ROR2: variants seen among roughly 807,000 people sequenced by gnomAD.
The protein encoded by ROR2 is tyrosine-protein kinase transmembrane receptor ROR2.
ROR2 carries 33 observed loss-of-function variants against 74.9 expected under a neutral mutation model. The ratio of observed to expected loss-of-function variants is 0.44; its 90% CI spans 0.33 to 0.59. The LOEUF (loss-of-function observed/expected upper bound fraction) is 0.59. Among genes scored for constraint, ROR2 ranks in the 20% least tolerant of loss-of-function variants. The pLI is 0.02. For synonymous variants in ROR2, 586 were observed against 558.7 expected (o/e 1.05, Z -0.69); for missense variants, 1,216 against 1,313.8 (o/e 0.93, Z 1.15).
At chr9:91,875,203 G>A (rs1434625838) in intron 1 of ROR2, among the ~76,000 whole-genome samples, 1 of 152,208 alleles carries the variant, frequency 6.6e-6, no homozygotes, top group Non-Finnish European at 1.5e-5. Flanking sequence ...TAAATGAAAT[G>A]CCTAGAGATA....
At chr9:91,826,100 T>C (rs1828280942) in intron 1 of ROR2, among the ~76,000 whole-genome samples, 1 of 152,138 alleles carries the variant, frequency 6.6e-6, no homozygotes, top group African/African-American at 2.4e-5. Flanking sequence ...CAGCCCAGGC[T>C]CCCTGGGTTC....
At chr9:91,807,019 A>C (rs1587737502) in intron 1 of ROR2, among the ~76,000 whole-genome samples, 1 of 152,280 alleles carries the variant, frequency 6.6e-6, no homozygotes, top group Non-Finnish European at 1.5e-5. Context: ...TCACCTGCCC[A>C]AAGCAGGACT....
intron 1 of ROR2, among the ~76,000 whole-genome samples, chr9:91,825,726 G>A (rs1364818911): frequency 6.6e-6 from 1 of 152,072 alleles, no homozygotes; most frequent in Non-Finnish European, 1.5e-5. Flanking sequence ...GAAGGTGAGT[G>A]AACTATCACT....
intron 1 of ROR2, among the ~76,000 whole-genome samples, chr9:91,940,701 C>A (rs1405001824): frequency 1.9e-5 from 2 of 102,734 alleles, no homozygotes; most frequent in Non-Finnish European, 3.5e-5. Context: ...TCCAAGTGAT[C>A]CTCCTGTCTC....
chr9:91,788,487 T>C (rs182708184), intron 1 of ROR2, among the ~76,000 whole-genome samples: 167 of 151,746 alleles, frequency 1.1e-3, no homozygotes, highest in Non-Finnish European at 1.6e-3. Flanking sequence ...TCAATAATGT[T>C]AAAAGCTGGC....
At chr9:91,790,514 A>G (rs1034003253) in intron 1 of ROR2, among the ~76,000 whole-genome samples, 21 of 114,606 alleles carry the variant, frequency 1.8e-4, no homozygotes, top group Non-Finnish European at 3.7e-4. Flanking sequence ...GTCTCAATTA[A>G]AAAAAAAAAA....
At chr9:91,756,762 T>C (rs1026771237) in intron 3 of ROR2, among the ~76,000 whole-genome samples, 1 of 114,736 alleles carries the variant, frequency 8.7e-6, no homozygotes, top group African/African-American at 4.2e-5. Flanking sequence ...TTTTTTTTTT[T>C]TTTTTGAGAC....
Position 91,838,242 on chromosome 9 carries a change from T to C in ROR2, c.98-62424A>G, listed in dbSNP as rs564069125. Among the ~76,000 whole-genome samples, 5 of 152,282 alleles carry C rather than the reference T, an allele frequency of 3.3e-5. No homozygotes were observed. In the South Asian group the frequency reaches 6.2e-4, roughly 19 times the overall value. On this transcript the variant is annotated intron_variant, in intron 1 of 8. Coordinates refer to ENST00000375708, the MANE Select transcript of ROR2 (RefSeq NM_004560.4). ...ATGCTCAACTTAGCCTATTAGCTTATAAAAGCAAATTAAACCAGGCACCAC... is the reference window on the plus strand; with the variant it reads ...ATGCTCAACTTAGCCTATTAGCTTACAAAAGCAAATTAAACCAGGCACCAC...
At chr9:91,852,624 A>AACACAAAC (rs1829133768) in intron 1 of ROR2, among the ~76,000 whole-genome samples, 6 of 123,830 alleles carry the variant, frequency 4.8e-5, no homozygotes, top group Admixed American at 4.8e-4. Flanking sequence ...AAAACACACA[A>AACACAAAC]ACACACACAC....
At chr9:91,821,092 C>A (rs1828125217) in intron 1 of ROR2, among the ~76,000 whole-genome samples, 1 of 140,710 alleles carries the variant, frequency 7.1e-6, no homozygotes. Flanking sequence ...CAGAATGAGA[C>A]TTCGTCTCAA....
intron 2 of ROR2, among the ~76,000 whole-genome samples, chr9:91,762,233 C>T (rs1441121022): frequency 3.9e-5 from 6 of 152,174 alleles, no homozygotes; most frequent in Non-Finnish European, 5.9e-5. Flanking sequence ...TGGGCCTACC[C>T]GGATAAGAGA....
chr9:91,872,481 C>A (rs1212791817), intron 1 of ROR2, among the ~76,000 whole-genome samples: 2 of 152,216 alleles, frequency 1.3e-5, no homozygotes, highest in African/African-American at 4.8e-5. Context: ...TTACACCACA[C>A]AGCCAGAATT....
At chr9:91,729,366 G>A (rs1327792117) in intron 7 of ROR2, among the ~76,000 whole-genome samples, 2 of 152,240 alleles carry the variant, frequency 1.3e-5, no homozygotes, top group Non-Finnish European at 2.9e-5. Flanking sequence ...GTGCTCCAGA[G>A]TGCCTAGACC....
At chr9:91,835,680 T>A (rs1375336973) in intron 1 of ROR2, among the ~76,000 whole-genome samples, 1 of 151,928 alleles carries the variant, frequency 6.6e-6, no homozygotes, top group Admixed American at 6.6e-5. Flanking sequence ...ATGAACTAAA[T>A]CTCTCCAGGA....
intron 1 of ROR2, among the ~76,000 whole-genome samples, chr9:91,823,568 G>A (rs1030775882): frequency 6.6e-6 from 1 of 151,988 alleles, no homozygotes; most frequent in Non-Finnish European, 1.5e-5. Flanking sequence ...TTACAGGCAT[G>A]AGCCACCGTG....
intron 1 of ROR2, among the ~76,000 whole-genome samples, chr9:91,879,678 T>G (rs1001697004): frequency 1.3e-5 from 2 of 152,020 alleles, no homozygotes; most frequent in Admixed American, 6.5e-5. Flanking sequence ...CTTCTATATA[T>G]TAAGTAATGC....
intron 1 of ROR2, among the ~76,000 whole-genome samples, chr9:91,813,377 A>C (rs1190432235): frequency 6.6e-6 from 1 of 152,160 alleles, no homozygotes; most frequent in Non-Finnish European, 1.5e-5. Context: ...TTGGTAATGG[A>C]GGGCTCATTA....
intron 1 of ROR2, among the ~76,000 whole-genome samples, chr9:91,918,277 AAAG>A (rs1419631766): frequency 2.0e-5 from 3 of 151,580 alleles, no homozygotes; most frequent in Non-Finnish European, 2.9e-5. Flanking sequence ...AAAAAAAAAA[AAAG>A]AAGTTGTTGA....
intron 1 of ROR2, among the ~76,000 whole-genome samples, chr9:91,927,626 C>T (rs1587853410): frequency 2.2e-5 from 3 of 135,700 alleles, no homozygotes; most frequent in South Asian, 2.3e-4. Flanking sequence ...TGCAGTGGTG[C>T]GATGTCAGCT....
Sources: allele counts gnomAD v4.1 joint callset (sites outside exome capture counted in the v4.1 genomes callset), GRCh38; gene constraint gnomAD v4.1.1; transcripts MANE v1.5; gene names NCBI Gene and HGNC (gene_info 2026-07-23, HGNC 2026-07-21).